Variants in KCNIP4 observed in about 807,000 individuals in gnomAD.
KCNIP4 encodes the protein potassium voltage-gated channel interacting protein 4.
Under a neutral mutation model 34.0 loss-of-function variants are expected in KCNIP4, and 12 were observed. The observed-to-expected ratio is 0.35, with a 90% CI of 0.23 to 0.57. KCNIP4 has a LOEUF of 0.57. Among genes scored for constraint, KCNIP4 ranks in the 20% least tolerant of loss-of-function variants. The pLI is 0.83. For synonymous variants in KCNIP4, 124 were observed against 102.2 expected, an observed-to-expected ratio of 1.21 and a Z score of -1.29; for missense variants, 238 against 311.7, an observed-to-expected ratio of 0.76 and a Z score of 1.78.
At chr4:21,115,390 G>A (rs898381606) in intron 1 of KCNIP4, among the ~76,000 whole-genome samples, 3 of 152,144 alleles carry the variant, frequency 2.0e-5, no homozygotes, top group Non-Finnish European at 4.4e-5. Context: ...AACACACTAT[G>A]AAACTCATAG....
At chr4:21,026,704 T>C (rs768665867) in intron 1 of KCNIP4, among the ~76,000 whole-genome samples, 3 of 152,094 alleles carry the variant, frequency 2.0e-5, no homozygotes, top group Admixed American at 2.0e-4. Context: ...CATGGTAACA[T>C]CTTCATTAAT....
At chr4:21,463,177 T>A (rs929608628) in intron 1 of KCNIP4, among the ~76,000 whole-genome samples, 5 of 152,130 alleles carry the variant, frequency 3.3e-5, no homozygotes, top group African/African-American at 1.2e-4. Context: ...TCCCAACACT[T>A]GTTATCTTTT....
At chr4:20,852,454 T>C (rs929544619) in intron 2 of KCNIP4, among the ~76,000 whole-genome samples, 1 of 152,082 alleles carries the variant, frequency 6.6e-6, no homozygotes, top group East Asian at 1.9e-4. Flanking sequence ...CTCAGCAAAA[T>C]TGGCATACAA....
intron 1 of KCNIP4, among the ~76,000 whole-genome samples, chr4:21,793,062 T>C (rs911669965): frequency 6.6e-6 from 1 of 152,148 alleles, no homozygotes; most frequent in Non-Finnish European, 1.5e-5. Context: ...GAGGTAAGGA[T>C]AGTCAACATT....
At chr4:20,864,424 C>T (rs1722656961) in intron 2 of KCNIP4, among the ~76,000 whole-genome samples, 2 of 151,240 alleles carry the variant, frequency 1.3e-5, no homozygotes, top group South Asian at 4.2e-4. Flanking sequence ...TACATACACT[C>T]ATAAAATCCC....
chr4:21,813,807 T>C (rs1395362450), intron 1 of KCNIP4, among the ~76,000 whole-genome samples: 1 of 152,216 alleles, frequency 6.6e-6, no homozygotes, highest in Non-Finnish European at 1.5e-5. Flanking sequence ...TTGTGATTTA[T>C]CCTTCGTTTG....
intron 1 of KCNIP4, among the ~76,000 whole-genome samples, chr4:21,253,511 A>G (rs1251424936): frequency 6.6e-6 from 1 of 152,218 alleles, no homozygotes; most frequent in Non-Finnish European, 1.5e-5. Flanking sequence ...TATCTAGTCT[A>G]CATTATTAAG....
intron 1 of KCNIP4, among the ~76,000 whole-genome samples, chr4:20,896,171 C>G (rs995510889): frequency 6.6e-6 from 1 of 152,032 alleles, no homozygotes; most frequent in Non-Finnish European, 1.5e-5. Flanking sequence ...CATGCATGCT[C>G]GGTTTGCCAG....
intron 1 of KCNIP4, among the ~76,000 whole-genome samples, chr4:21,142,598 T>C (rs891642900): frequency 1.3e-5 from 2 of 152,150 alleles, no homozygotes; most frequent in Admixed American, 6.5e-5. Context: ...ATGTGTGAGC[T>C]GTACTTAACG....
chr4:21,122,640 C>A (rs957956931), intron 1 of KCNIP4, among the ~76,000 whole-genome samples: 9 of 152,082 alleles, frequency 5.9e-5, no homozygotes, highest in African/African-American at 2.4e-5. Context: ...CCAGGTCCTA[C>A]CCCTGCATCC....
At chr4:21,784,417 CA>C (rs1161729892) in intron 1 of KCNIP4, among the ~76,000 whole-genome samples, 1 of 144,860 alleles carries the variant, frequency 6.9e-6, no homozygotes, top group Non-Finnish European at 1.5e-5. Flanking sequence ...ATATTCTTAA[CA>C]CTAGAAAAAA....
intron 1 of KCNIP4, among the ~76,000 whole-genome samples, chr4:21,775,940 A>C (rs1719143651): frequency 6.6e-6 from 1 of 152,202 alleles, no homozygotes. Flanking sequence ...CAAATGGGTT[A>C]GACAGCAGGC....
chr4:21,417,303 CT>C (rs1195775652), intron 1 of KCNIP4, among the ~76,000 whole-genome samples: 1 of 151,210 alleles, frequency 6.6e-6, no homozygotes, highest in African/African-American at 2.4e-5. Flanking sequence ...GTCTGTTTGT[CT>C]GTGAGTTAGT....
At chr4:21,605,073 G>C (rs1404159128) in intron 1 of KCNIP4, among the ~76,000 whole-genome samples, 1 of 152,090 alleles carries the variant, frequency 6.6e-6, no homozygotes, top group Admixed American at 6.6e-5. Flanking sequence ...CTTGCGGGCT[G>C]GTCACTAAAA....
intron 1 of KCNIP4, among the ~76,000 whole-genome samples, chr4:21,930,825 G>T (rs888605738): frequency 6.6e-6 from 1 of 152,054 alleles, no homozygotes; most frequent in South Asian, 2.1e-4. Context: ...TAGCACTTAC[G>T]TCATGTTGCT....
chr4:21,433,930 AG>A (rs1179402834), intron 1 of KCNIP4, among the ~76,000 whole-genome samples: 6 of 152,366 alleles, frequency 3.9e-5, no homozygotes, highest in Non-Finnish European at 7.3e-5. Context: ...AAAGAGTTAC[AG>A]GTCAGGCACA....
intron 1 of KCNIP4, among the ~76,000 whole-genome samples, chr4:21,347,159 G>A (rs1717520279): frequency 6.6e-6 from 1 of 152,122 alleles, no homozygotes; most frequent in Non-Finnish European, 1.5e-5. Context: ...TTTAATATAG[G>A]GAACTTACTG....
intron 1 of KCNIP4, among the ~76,000 whole-genome samples, chr4:21,757,552 C>T (rs574028901): frequency 1.3e-5 from 2 of 152,112 alleles, no homozygotes; most frequent in Non-Finnish European, 2.9e-5. Flanking sequence ...GCTGAGAATG[C>T]TATTTTTCTT....
At chr4:20,771,228 A>C (rs924235450) in intron 3 of KCNIP4, among the ~76,000 whole-genome samples, 5 of 152,096 alleles carry the variant, frequency 3.3e-5, no homozygotes, top group African/African-American at 4.8e-5. Context: ...TGGTTGTATA[A>C]AGCCTTTTTA....
Sources: allele counts gnomAD v4.1 joint callset (sites outside exome capture counted in the v4.1 genomes callset), GRCh38; gene constraint gnomAD v4.1.1; transcripts MANE v1.5; gene names NCBI Gene and HGNC (gene_info 2026-07-23, HGNC 2026-07-21).